The following GLIS2 variants were observed in gnomAD, a reference collection of about 807,000 sequenced individuals.
The protein encoded by GLIS2 is zinc finger protein GLIS2.
In GLIS2, 14 loss-of-function variants were observed where a neutral mutation model predicts 35.6. That is an observed-to-expected ratio of 0.39 (90% CI 0.26 to 0.61). The LOEUF (loss-of-function observed/expected upper bound fraction) is 0.61, where lower values mean the gene tolerates loss of function less well. Ranked by LOEUF, GLIS2 falls within the 20% of genes least tolerant of loss-of-function variation. GLIS2 has a pLI of 0.48. For missense variants in GLIS2, 675 were observed against 713.4 expected (o/e 0.95, Z 0.61); for synonymous variants, 368 against 325.1 (o/e 1.13, Z -1.42).
At chr16:4,336,311 T>A (rs1271513372) in intron 6 of GLIS2, 1 of 337,186 alleles carries the variant, frequency 3.0e-6, no homozygotes, top group African/African-American at 2.1e-5. Context: ...CACACCCAGC[T>A]AGTTTTCGTA....
chr16:4,334,907 C>A lies in GLIS2; in HGVS notation c.452C>A (p.Thr151Asn). 6.2e-7 allele frequency: 1 copy of A among 1,613,200 alleles called. No homozygotes were observed. Residue 151 changes from threonine to asparagine, a missense_variant, in exon 4 of 7, where the codon ACC (threonine) becomes AAC (asparagine). Physicochemically the swap from Thr to Asn is moderately conservative, Grantham distance 65. Around this residue, in one of 3 missense-constraint regions of GLIS2, gnomAD observed 225 missense variants for 238.7 expected, o/e 0.94. Transcript: ENST00000433375. ...ALHLPASSFL[T>N]PPKDKCLSPD... ...CACCTGCCTGCCTCCTCCTTCCTTACCCCTCCCAAGGACAAGTGCCTCTCG... is the reference window on the plus strand; with the variant it reads ...CACCTGCCTGCCTCCTCCTTCCTTAACCCTCCCAAGGACAAGTGCCTCTCG...
intron 1 of GLIS2, among the ~76,000 whole-genome samples, chr16:4,323,856 C>G (rs2053403265): frequency 6.6e-6 from 1 of 152,212 alleles, no homozygotes; most frequent in Non-Finnish European, 1.5e-5. Flanking sequence ...CCCTCCCTTG[C>G]AAGATGCCCT....
chr16:4,325,925 G>A (rs1368991556), intron 1 of GLIS2, among the ~76,000 whole-genome samples: 2 of 78,224 alleles, frequency 2.6e-5, no homozygotes, highest in Non-Finnish European at 4.5e-5. Context: ...AAGACTCTGT[G>A]TCTTAAAAAA....
intron 3 of GLIS2, among the ~76,000 whole-genome samples, chr16:4,334,162 C>G (rs1430315359): frequency 6.6e-6 from 1 of 151,806 alleles, no homozygotes; most frequent in African/African-American, 2.4e-5. Flanking sequence ...TGGTCTTGAA[C>G]TCCTGACCTC....
At position 4,320,580 on chromosome 16, in the gene GLIS2, C is replaced by T. The variant is rs147327526; in HGVS notation, c.-67+4326C>T. On this transcript the variant is annotated intron_variant, in intron 1 of 6. Coordinates refer to ENST00000433375, the MANE Select transcript of GLIS2 (RefSeq NM_032575.3). The surrounding 1 kb of genome is among the most constrained non-coding windows in gnomAD (Gnocchi z 5.6). The stretch of plus-strand genomic sequence containing the variant: ...CAGCTCCACTCCTGCCCCCCACGTC[C>T]ACTGCAAGGGCATGACGGGGGCCAA... Among the ~76,000 whole-genome samples, 1 of 152,260 alleles carries T rather than the reference C, an allele frequency of 6.6e-6. No individual in the cohort carries two copies. Among genetic ancestry groups the T allele is most frequent in the African/African-American group, 2.4e-5 (1 of 41,530 alleles).
At chr16:4,331,533 G>GTT (rs1163526909) in intron 1 of GLIS2, 2 of 153,108 alleles carry the variant, frequency 1.3e-5, no homozygotes, top group Non-Finnish European at 2.9e-5. Flanking sequence ...ATATTTCTGC[G>GTT]TATGTGTCTT....
rs377111318 is a variant in GLIS2 at position 4,335,178 on chromosome 16, G to T, written c.641G>T (p.Arg214Leu). ...CHWEGCARHG[R>L]GFNARYKMLI... is the part of the protein sequence containing the mutation. ...TGGGAGGGCTGCGCCCGCCATGGCC[G>T]AGGTTTCAACGCCAGGTGAGGTGGG... The change falls in exon 5 of 7, where the codon CGA becomes CTA. Residue 214 changes from arginine (R) to leucine (L), a missense_variant. Arg to Leu is a moderately radical substitution (Grantham distance 102). Coordinates refer to ENST00000433375, the MANE Select transcript of GLIS2 (RefSeq NM_032575.3). The surrounding 1 kb of genome is among the most constrained non-coding windows in gnomAD (Gnocchi z 4.6). The T allele has an allele frequency of 6.2e-7, 1 of 1,613,524 alleles. No individual in the cohort carries two copies.
Position 4,332,773 on chromosome 16 carries a change from C to A in GLIS2, c.172+321C>A, listed in dbSNP as rs367997101. 2.0e-5 allele frequency among the ~76,000 whole-genome samples: 3 copies of A among 152,310 alleles called. No individual in the cohort carries two copies. The highest frequency in any genetic ancestry group is 3.9e-4 in the East Asian group (2 of 5,184). On this transcript the variant is annotated intron_variant, in intron 2 of 6. Coordinates refer to ENST00000433375, the MANE Select transcript of GLIS2 (RefSeq NM_032575.3). The surrounding 1 kb of genome is among the most constrained non-coding windows in gnomAD (Gnocchi z 5.4). ...CTGCACCCTAGGCTGTGGGGTGGTG[C>A]CGCTGGCCAACCTGGGCAGTAGAGG...
At position 4,334,478 on chromosome 16, in the gene GLIS2, T is replaced by A. The variant is rs11639768; in HGVS notation, c.346-323T>A. On this transcript the variant is annotated intron_variant, in intron 3 of 6. Coordinates refer to ENST00000433375, the MANE Select transcript of GLIS2 (RefSeq NM_032575.3). ...ATCTTGAACTCCTGACGTCAAGTGA[T>A]CCGCCCACCTCAGCCTCCCAAAGTG... Among the ~76,000 whole-genome samples, 1,377 of 152,208 alleles carry A rather than the reference T, an allele frequency of 9.0e-3. 7 individuals are homozygous for A. Among genetic ancestry groups the A allele is most frequent in the South Asian group, 0.025 (122 of 4,822 alleles).
In GLIS2 at chr16:4,335,924, G is replaced by A. The variant is rs545791696; in HGVS notation, c.775+531G>A. The A allele has an allele frequency of 5.6e-6, 1 of 178,406 alleles. No individual in the cohort carries two copies. The highest frequency in any genetic ancestry group is 5.4e-5 in the Admixed American group (1 of 18,682). 11.1% of individuals were successfully genotyped at this position (178,406 alleles called of 1,614,324 possible). On this transcript the variant is annotated intron_variant, in intron 6 of 6. Transcript: ENST00000433375. This position sits in a 1 kb window ranked among gnomAD's most constrained non-coding sequence, Gnocchi z 4.6. ...AAAGCCTCAAGGAGCTGATGTGTAT[G>A]TTTTTTCCTGGTGTTTATTTCACCC...
chr16:4,331,039 C>A (rs750879966), intron 1 of GLIS2, among the ~76,000 whole-genome samples: 2 of 152,094 alleles, frequency 1.3e-5, no homozygotes, highest in Non-Finnish European at 2.9e-5. Flanking sequence ...TGCAGTGGTG[C>A]GATCTCGGCT....
intron 1 of GLIS2, among the ~76,000 whole-genome samples, chr16:4,318,792 G>A (rs1396102144): frequency 6.6e-6 from 1 of 152,266 alleles, no homozygotes; most frequent in Non-Finnish European, 1.5e-5. Flanking sequence ...ATAGGAGGAA[G>A]AATGTGTTTT....
intron 1 of GLIS2, among the ~76,000 whole-genome samples, chr16:4,327,687 C>T (rs2053448693): frequency 6.6e-6 from 1 of 151,642 alleles, no homozygotes; most frequent in African/African-American, 2.4e-5. Context: ...GCCCACCCTC[C>T]GGGTGACCCC....
chr16:4,334,974 C>A lies in GLIS2; in HGVS notation c.519C>A (p.Ala173=). 1 of 1,613,216 alleles carries A rather than the reference C, an allele frequency of 6.2e-7. No individual in the cohort carries two copies. Among genetic ancestry groups the A allele is most frequent in the Non-Finnish European group, 8.5e-7 (1 of 1,180,022 alleles). Residue 173 remains alanine (A), a synonymous_variant, in exon 4 of 7, where the codon GCC becomes GCA. Transcript: ENST00000433375. Reference sequence around the variant, plus strand: ...CCAAGCAGCTGGTGTGTCGCTGGGCCAAGGTGAGTGGGGGCCAGCAAGAGT... The same window carrying A: ...CCAAGCAGCTGGTGTGTCGCTGGGCAAAGGTGAGTGGGGGCCAGCAAGAGT... ...PLPKQLVCRW[A]KCNQLFELLQ...
intron 1 of GLIS2, among the ~76,000 whole-genome samples, chr16:4,328,551 T>C (rs1166000512): frequency 6.6e-6 from 1 of 152,046 alleles, no homozygotes; most frequent in Non-Finnish European, 1.5e-5. Flanking sequence ...CTGGGAGGTG[T>C]AGGGCTGGGG....
Position 4,334,978 on chromosome 16 carries a change from G to T in GLIS2, c.522+1G>T. 6.2e-7 allele frequency: 1 copy of T among 1,613,282 alleles called. No homozygotes were observed. The highest frequency in any genetic ancestry group is 8.5e-7 in the Non-Finnish European group (1 of 1,180,042). ...GCAGCTGGTGTGTCGCTGGGCCAAGGTGAGTGGGGGCCAGCAAGAGTAGTG... is the reference window on the plus strand; with the variant it reads ...GCAGCTGGTGTGTCGCTGGGCCAAGTTGAGTGGGGGCCAGCAAGAGTAGTG... On this transcript the variant is annotated splice_donor_variant, in intron 4 of 6. Transcript: ENST00000433375. LOFTEE classifies it high-confidence loss of function.
chr16:4,318,919 C>G (rs763875801), intron 1 of GLIS2, among the ~76,000 whole-genome samples: 9 of 152,188 alleles, frequency 5.9e-5, no homozygotes, highest in Admixed American at 2.6e-4. Flanking sequence ...GGGGCAATCT[C>G]TGGATGAGGG....
At chr16:4,316,301 G>C (rs1475370751) in intron 1 of GLIS2, among the ~76,000 whole-genome samples, 47 bp downstream of exon 1, 3 of 101,516 alleles carry the variant, frequency 3.0e-5, no homozygotes, top group East Asian at 2.6e-4. Context: ...GGCCGGGGCG[G>C]GGGGGGGGGG....
At chr16:4,318,877 CA>C (rs1452910312) in intron 1 of GLIS2, among the ~76,000 whole-genome samples, 2 of 152,230 alleles carry the variant, frequency 1.3e-5, no homozygotes, top group African/African-American at 4.8e-5. Context: ...CCACTTGGAC[CA>C]GGGGGTGAGG....
Sources: gnomAD v4.1 joint callset for allele counts (sites outside exome capture counted in the v4.1 genomes callset) on GRCh38, gnomAD v4.1.1 for gene constraint, gnomAD v4.1.1 regional missense constraint, Gnocchi (gnomAD v3.1) non-coding constraint, MANE v1.5 for transcripts, NCBI Gene and HGNC (gene_info 2026-07-23, HGNC 2026-07-21) for gene names.